Variants in TARBP2 observed in about 807,000 individuals in gnomAD.
The protein encoded by TARBP2 is RISC-loading complex subunit TARBP2.
A neutral mutation model predicts 40.4 loss-of-function variants in TARBP2; 23 were observed. That is an observed-to-expected ratio of 0.57 (90% CI 0.41 to 0.81). The LOEUF is 0.81. TARBP2 is among the 30% of genes least tolerant of loss of function. The pLI is 0.00. For missense variants in TARBP2, 358 were observed against 473.7 expected, an observed-to-expected ratio of 0.76 and a Z score of 2.27; for synonymous variants, 183 against 190.5, an observed-to-expected ratio of 0.96 and a Z score of 0.32.
Position 53,502,119 on chromosome 12 carries a change from C to T in TARBP2, c.158C>T (p.Ala53Val). The change falls in exon 2 of 9, where the codon GCC (alanine) becomes GTC (valine). Residue 53 changes from alanine to valine, a missense_variant. Around this residue, in one of 3 missense-constraint regions of TARBP2, gnomAD observed 317 missense variants for 422.9 expected, o/e 0.75. Coordinates refer to ENST00000266987, the MANE Select transcript of TARBP2 (RefSeq NM_134323.2). ...GKTPVYDLLK[A>V]EGQAHQPNFT... ...ACGCCTGTGTACGACCTTCTCAAAG[C>T]CGAGGGCCAAGCCCACCAGCCTAAT... 1 of 1,614,222 alleles carries T rather than the reference C, an allele frequency of 6.2e-7. No individual in the cohort carries two copies. The highest frequency in any genetic ancestry group is 8.5e-7 in the Non-Finnish European group (1 of 1,180,040).
intron 1 of TARBP2, 26 bp downstream of exon 1, chr12:53,501,487 C>A (rs1943701361): frequency 6.4e-7 from 1 of 1,558,040 alleles, no homozygotes; most frequent in Non-Finnish European, 8.7e-7. Flanking sequence ...CCGATTCCTT[C>A]AGGGCGAAAA....
At position 53,506,196 on chromosome 12, in the gene TARBP2, C is replaced by T; in HGVS notation, c.*48C>T. 1.9e-6 allele frequency: 3 copies of T among 1,592,896 alleles called. No homozygotes were observed. The highest frequency in any genetic ancestry group is 1.1e-5 in the South Asian group (1 of 89,090). ...GTGCACCCTTTGCTCCCTGCTCTTT[C>T]TGCCTCTGGGCTCATGTATCTGCGC... On this transcript the variant is annotated 3_prime_UTR_variant, in exon 9 of 9. Transcript: ENST00000266987.
chr12:53,502,777 G>T (rs751245205), intron 2 of TARBP2: 1 of 365,290 alleles, frequency 2.7e-6, no homozygotes, highest in African/African-American at 2.1e-5. Context: ...AAGCATTTGC[G>T]CTCAGAAGTC....
At position 53,504,774 on chromosome 12, in the gene TARBP2, A is replaced by C; in HGVS notation, c.572A>C (p.Glu191Ala). 6.2e-7 allele frequency: 1 copy of C among 1,614,126 alleles called. No homozygotes were observed. Among genetic ancestry groups the C allele is most frequent in the Non-Finnish European group, 8.5e-7 (1 of 1,180,016 alleles). The change falls in exon 6 of 9, where the codon GAA becomes GCA. Residue 191 changes from glutamate to alanine, a missense_variant. Physicochemically the swap from Glu to Ala is moderately radical, Grantham distance 107. Around this residue, in one of 3 missense-constraint regions of TARBP2, gnomAD observed 317 missense variants for 422.9 expected, o/e 0.75. Transcript: ENST00000266987. ...TQESGPAHRKEFTMTCRVERF... is the reference protein window; with the variant it reads ...TQESGPAHRKAFTMTCRVERF... ...GAGTCTGGGCCAGCCCACCGCAAAG[A>C]ATTCACCATGACCTGTCGAGTGGAG...
At chr12:53,501,105 G>A (rs2139776), upstream of TARBP2, 1 of 459,400 alleles carries the variant, frequency 2.2e-6, no homozygotes, top group East Asian at 4.1e-5. Flanking sequence ...AAGGAGGCGG[G>A]ACGGTATTAC....
intron 3 of TARBP2, 160 bp downstream of exon 3, chr12:53,503,289 C>G: frequency 3.6e-6 from 5 of 1,390,338 alleles, no homozygotes; most frequent in Non-Finnish European, 4.7e-6. Context: ...AGGGCTTCTG[C>G]TGCTATGAAG....
intron 1 of TARBP2, chr12:53,501,804 A>G (rs1592732501): frequency 5.3e-6 from 7 of 1,333,026 alleles, no homozygotes; most frequent in Non-Finnish European, 6.9e-6. Context: ...CTGAGGCAGG[A>G]GCAATGCATT....
At chr12:53,503,848 G>A (rs1402277368) in intron 4 of TARBP2, 40 bp downstream of exon 4, 2 of 1,564,036 alleles carry the variant, frequency 1.3e-6, no homozygotes, top group Non-Finnish European at 8.8e-7. Flanking sequence ...GGTGGAGGAA[G>A]GGGTTCTGGT....
intron 2 of TARBP2, chr12:53,502,578 C>T: frequency 4.3e-6 from 1 of 234,808 alleles, no homozygotes; most frequent in Non-Finnish European, 8.2e-6. Context: ...GTATCCGCCC[C>T]CCCGACTCCT....
chr12:53,502,237 G>T, intron 2 of TARBP2, 53 bp downstream of exon 2: 1 of 1,597,572 alleles, frequency 6.3e-7, no homozygotes, highest in Non-Finnish European at 8.5e-7. Flanking sequence ...GGTCCCCATG[G>T]CTTTGTTTCT....
chr12:53,503,091 A>AG lies in TARBP2; in HGVS notation c.294dup (p.Ser99GlufsTer22). On this transcript the variant is annotated frameshift_variant, in exon 3 of 9. Coordinates refer to ENST00000266987, the MANE Select transcript of TARBP2 (RefSeq NM_134323.2). LOFTEE classifies it high-confidence loss of function. ...CTGAGGTGGCCCTCAAACACCTCAAAGGGGGGAGCATGCTGGAGCCGGCCC... is the reference window on the plus strand; with the variant it reads ...CTGAGGTGGCCCTCAAACACCTCAAAGGGGGGGAGCATGCTGGAGCCGGCCC... 6.4e-7 allele frequency: 1 copy of AG among 1,550,886 alleles called. No individual in the cohort carries two copies.
intron 1 of TARBP2, 167 bp from the exon 2 acceptor site, chr12:53,501,848 T>C (rs1943727767): frequency 2.3e-6 from 3 of 1,331,916 alleles, no homozygotes; most frequent in Non-Finnish European, 3.0e-6. Flanking sequence ...TGGGCCCTAC[T>C]TTTCCAGCCT....
At chr12:53,501,856 C>T in intron 1 of TARBP2, 159 bp from the exon 2 acceptor site, 1 of 1,342,954 alleles carries the variant, frequency 7.4e-7, no homozygotes, top group Non-Finnish European at 1.0e-6. Context: ...ACTTTTCCAG[C>T]CTGCACCTCC....
intron 1 of TARBP2, chr12:53,501,698 C>T: frequency 7.0e-7 from 1 of 1,434,344 alleles, no homozygotes; most frequent in Non-Finnish European, 9.1e-7. Context: ...CCCCCACATT[C>T]AGTGCATTTG....
intron 2 of TARBP2, 81 bp downstream of exon 2, chr12:53,502,265 C>A: frequency 6.6e-7 from 1 of 1,514,476 alleles, no homozygotes; most frequent in Non-Finnish European, 8.9e-7. Context: ...TCTCTCTTCA[C>A]AGTCCTTTTC....
At position 53,501,377 on chromosome 12, in the gene TARBP2, T is replaced by G. The variant is rs1285147193; in HGVS notation, c.-32T>G. 3.2e-6 allele frequency: 5 copies of G among 1,554,538 alleles called. 1 individual carries two copies. Among genetic ancestry groups the G allele is most frequent in the East Asian group, 2.4e-5 (1 of 41,242 alleles). ...GTATTGGGGCGCGTGGAGGCTGCAG[T>G]CACGGTGGCGCCCGCGGGGACGGAG... is the stretch of plus-strand genomic sequence containing the variant. On this transcript the variant is annotated 5_prime_UTR_variant, in exon 1 of 9. Coordinates refer to ENST00000266987, the MANE Select transcript of TARBP2 (RefSeq NM_134323.2).
At chr12:53,501,850 T>A in intron 1 of TARBP2, 165 bp from the exon 2 acceptor site, 1 of 1,337,014 alleles carries the variant, frequency 7.5e-7, no homozygotes, top group South Asian at 1.5e-5. Context: ...GGCCCTACTT[T>A]TCCAGCCTGC....
At chr12:53,501,549 C>T (rs749162355) in intron 1 of TARBP2, 88 bp downstream of exon 1, 451 of 1,532,468 alleles carry the variant, frequency 2.9e-4, no homozygotes, top group Non-Finnish European at 3.7e-4. Flanking sequence ...TGCACCTGGC[C>T]TGAGGGTTGT....
intron 1 of TARBP2, 169 bp from the exon 2 acceptor site, chr12:53,501,846 A>G (rs1943727640): frequency 3.0e-6 from 4 of 1,325,884 alleles, no homozygotes; most frequent in Non-Finnish European, 4.0e-6. Flanking sequence ...AGTGGGCCCT[A>G]CTTTTCCAGC....
Sources: allele counts gnomAD v4.1 joint callset, GRCh38; gene constraint gnomAD v4.1.1; regional missense constraint gnomAD v4.1.1; transcripts MANE v1.5; gene names NCBI Gene and HGNC (gene_info 2026-07-23, HGNC 2026-07-21).